Variants in CRY2 observed in about 807,000 individuals in gnomAD.
The protein encoded by CRY2 is cryptochrome circadian regulator 2.
In CRY2, 31 loss-of-function variants were observed where a neutral mutation model predicts 69.5. The observed-to-expected ratio is 0.45, with a 90% confidence interval of 0.34 to 0.60. The LOEUF (loss-of-function observed/expected upper bound fraction) is 0.60. Among genes scored for constraint, CRY2 ranks in the 20% least tolerant of loss-of-function variants. CRY2 has a pLI of 0.02. For missense variants in CRY2, 606 were observed against 797.8 expected (o/e 0.76, Z 2.90); for synonymous variants, 303 against 312.2 (o/e 0.97, Z 0.31).
Position 45,869,255 on chromosome 11 carries a change from G to A in CRY2, c.883-251G>A, listed in dbSNP as rs116687023. ...TTGAATCCTAGTGCAGAGTCCTGTG[G>A]TGAGGCCCCTTCCCACTGCCTGGCC... On this transcript the variant is annotated intron_variant, in intron 6 of 11. Coordinates refer to ENST00000616080, the MANE Select transcript of CRY2 (RefSeq NM_021117.5). Among the ~76,000 whole-genome samples the A allele has an allele frequency of 6.1e-3, 928 of 152,344 alleles. 13 individuals are homozygous for A. The highest frequency in any genetic ancestry group is 0.02 in the Middle Eastern group (6 of 294).
upstream of CRY2, chr11:45,847,269 G>A (rs776691726): frequency 1.3e-6 from 2 of 1,551,956 alleles, no homozygotes; most frequent in Non-Finnish European, 1.7e-6. Context: ...CCACCCGGGC[G>A]GACCCACACA....
intron 2 of CRY2, 80 bp from the exon 3 acceptor site, chr11:45,858,651 C>T: frequency 6.8e-7 from 1 of 1,465,664 alleles, no homozygotes; most frequent in Non-Finnish European, 9.2e-7. Context: ...GCTCTGTTCT[C>T]TCCCAGGAAG....
At chr11:45,849,119 G>T (rs1245121338) in intron 1 of CRY2, among the ~76,000 whole-genome samples, 1 of 152,160 alleles carries the variant, frequency 6.6e-6, no homozygotes, top group Non-Finnish European at 1.5e-5. Context: ...CTTTTATTGG[G>T]TTTTGGGGGA....
chr11:45,870,823 C>T lies in CRY2; in HGVS notation c.1550-19C>T, dbSNP rs374005750. On this transcript the variant is annotated intron_variant, in intron 9 of 11. Coordinates refer to ENST00000616080, the MANE Select transcript of CRY2 (RefSeq NM_021117.5). ...ATCCTGCGAGACGGCACTCTGATTA[C>T]TCCTCGCCTCTCTCCCAGGTCTACT... The T allele has an allele frequency of 2.9e-5, 47 of 1,600,862 alleles. No individual in the cohort carries two copies. The highest frequency in any genetic ancestry group is 3.9e-5 in the Non-Finnish European group (45 of 1,168,830).
At chr11:45,847,451 C>A (rs1276380182), upstream of CRY2, 7 of 1,594,724 alleles carry the variant, frequency 4.4e-6, no homozygotes, top group Non-Finnish European at 6.0e-6. Context: ...ACGTCGCCTA[C>A]CGGGGCGGAG....
Position 45,881,304 on chromosome 11 carries a change from CTCACG to C in CRY2, c.*397_*401del, listed in dbSNP as rs1457406918. 1 of 152,696 alleles carries C rather than the reference CTCACG, an allele frequency of 6.5e-6. No homozygotes were observed. Among genetic ancestry groups the C allele is most frequent in the East Asian group, 1.9e-4 (1 of 5,196 alleles). 9.5% of individuals were successfully genotyped at this position (152,696 alleles called of 1,614,324 possible). On this transcript the variant is annotated 3_prime_UTR_variant, in exon 12 of 12. Transcript: ENST00000616080. ...CTCCCTAGACCTCCTTCCCTCCCTC[CTCACG>C]TCAGGCTGTGGAGCAGGAGCACAGC...
intron 2 of CRY2, among the ~76,000 whole-genome samples, chr11:45,858,067 CTA>C (rs1565057677): frequency 6.6e-6 from 1 of 152,208 alleles, no homozygotes; most frequent in African/African-American, 2.4e-5. Flanking sequence ...GGCCAGCTTG[CTA>C]TGAGATCTAG....
At chr11:45,875,929 T>G (rs966883071) in intron 11 of CRY2, among the ~76,000 whole-genome samples, 1 of 152,268 alleles carries the variant, frequency 6.6e-6, no homozygotes, top group Non-Finnish European at 1.5e-5. Context: ...TCTTGCACTT[T>G]CTTCTCTGGG....
intron 11 of CRY2, among the ~76,000 whole-genome samples, chr11:45,873,749 A>G (rs1385789643): frequency 2.0e-5 from 3 of 152,246 alleles, no homozygotes; most frequent in Non-Finnish European, 4.4e-5. Context: ...ATTCCTGGAC[A>G]AATGATACAG....
Position 45,882,639 on chromosome 11 carries a change from A to G in CRY2, c.*1728A>G, listed in dbSNP as rs2086484806. 4 of 399,114 alleles carry G rather than the reference A, an allele frequency of 1.0e-5. No individual in the cohort carries two copies. Among genetic ancestry groups the G allele is most frequent in the East Asian group, 3.6e-5 (1 of 28,080 alleles). 24.7% of individuals were successfully genotyped at this position (399,114 alleles called of 1,614,324 possible). On this transcript the variant is annotated 3_prime_UTR_variant, in exon 12 of 12. Transcript: ENST00000616080. ...TCATCGTGGGAGGGGAGCAGGGCAC[A>G]GGGGATGGTGTGCATTCAGAGCATT...
At chr11:45,854,414 T>C (rs2086223330) in intron 1 of CRY2, among the ~76,000 whole-genome samples, 1 of 152,316 alleles carries the variant, frequency 6.6e-6, no homozygotes, top group Admixed American at 6.5e-5. Context: ...ACCCTCACGG[T>C]GGCTCACGCC....
chr11:45,869,645 G>A lies in CRY2; in HGVS notation c.1022G>A (p.Arg341His), dbSNP rs773341423. The A allele has an allele frequency of 2.0e-5, 33 of 1,614,124 alleles. No individual in the cohort carries two copies. Among genetic ancestry groups the A allele is most frequent in the South Asian group, 4.4e-5 (4 of 91,096 alleles). ...NPICIQIPWD[R>H]NPEALAKWAE... is the part of the protein sequence containing the mutation. ...ATCTGCATCCAGATCCCCTGGGACCGCAATCCTGAGGCCCTGGCCAAGTGG... is the reference window on the plus strand; with the variant it reads ...ATCTGCATCCAGATCCCCTGGGACCACAATCCTGAGGCCCTGGCCAAGTGG... The change falls in exon 7 of 12, where the codon CGC (arginine) becomes CAC (histidine). Residue 341 changes from arginine (R) to histidine (H), a missense_variant. Physicochemically the swap from Arg to His is conservative, Grantham distance 29. Around this residue, in one of 5 missense-constraint regions of CRY2, gnomAD observed 382 missense variants for 508.9 expected, o/e 0.75. Coordinates refer to ENST00000616080, the MANE Select transcript of CRY2 (RefSeq NM_021117.5).
At position 45,847,524 on chromosome 11, in the gene CRY2, G is replaced by T; in HGVS notation, c.34G>T (p.Ala12Ser). The T allele has an allele frequency of 6.3e-7, 1 of 1,588,128 alleles. No individual in the cohort carries two copies. Residue 12 changes from alanine to serine, a missense_variant, in exon 1 of 12, where the codon GCC becomes TCC. This residue lies in a region of CRY2 where 45 missense variants were observed against 35.7 expected (regional missense o/e 1.26). Coordinates refer to ENST00000616080, the MANE Select transcript of CRY2 (RefSeq NM_021117.5). ...AATVATAAAV[A>S]PAPAPGTDSA... Reference sequence around the variant, plus strand: ...GACTGTGGCGACGGCGGCAGCTGTGGCCCCGGCGCCAGCGCCCGGCACGGA... The same window carrying T: ...GACTGTGGCGACGGCGGCAGCTGTGTCCCCGGCGCCAGCGCCCGGCACGGA...
intron 5 of CRY2, among the ~76,000 whole-genome samples, chr11:45,864,634 G>A (rs999039374): frequency 6.6e-5 from 10 of 151,644 alleles, no homozygotes; most frequent in South Asian, 2.1e-4. Flanking sequence ...TTGGGAGGCC[G>A]AGGCAGGTGG....
At position 45,881,635 on chromosome 11, in the gene CRY2, A is replaced by C. The variant is rs578236316; in HGVS notation, c.*724A>C. ...ATGCCTGGTACTGTAATAGGAGCCT[A>C]AGACAGCACACCTACCTTTTCAGGA... On this transcript the variant is annotated 3_prime_UTR_variant, in exon 12 of 12. Coordinates refer to ENST00000616080, the MANE Select transcript of CRY2 (RefSeq NM_021117.5). The C allele has an allele frequency of 3.3e-5, 5 of 152,354 alleles. No homozygotes were observed. The highest frequency in any genetic ancestry group is 3.4e-3 in the Middle Eastern group (1 of 294). 9.4% of individuals were successfully genotyped at this position (152,354 alleles called of 1,614,324 possible).
chr11:45,872,326 C>A, intron 11 of CRY2, 93 bp downstream of exon 11: 1 of 1,212,296 alleles, frequency 8.2e-7, no homozygotes, highest in Non-Finnish European at 1.2e-6. Flanking sequence ...ACATAGCAAA[C>A]TAGATGAAAA....
intron 5 of CRY2, among the ~76,000 whole-genome samples, chr11:45,863,428 T>A (rs575543708): frequency 1.2e-4 from 19 of 152,044 alleles, no homozygotes; most frequent in African/African-American, 4.1e-4. Flanking sequence ...GGGCCCCTTC[T>A]CTCAAGGGCC....
chr11:45,877,937 C>T (rs2086436480), intron 11 of CRY2, among the ~76,000 whole-genome samples: 1 of 152,236 alleles, frequency 6.6e-6, no homozygotes, highest in Non-Finnish European at 1.5e-5. Flanking sequence ...AGCTTTGAAA[C>T]CATCATAGAG....
chr11:45,866,622 T>TA (rs1212646574), intron 5 of CRY2, among the ~76,000 whole-genome samples: 1 of 152,148 alleles, frequency 6.6e-6, no homozygotes, highest in African/African-American at 2.4e-5. Context: ...GGTTTGGAGT[T>TA]AGAGACCAGC....
Sources: allele counts gnomAD v4.1 joint callset (sites outside exome capture counted in the v4.1 genomes callset), GRCh38; gene constraint gnomAD v4.1.1; regional missense constraint gnomAD v4.1.1; transcripts MANE v1.5; gene names NCBI Gene and HGNC (gene_info 2026-07-23, HGNC 2026-07-21).